The following TNN variants were observed in gnomAD, a reference collection of about 807,000 sequenced individuals.
TNN encodes the protein tenascin-N.
In TNN, 122 loss-of-function variants were observed where a neutral mutation model predicts 134.4. That is an observed-to-expected ratio of 0.91 (90% CI 0.78 to 1.06). TNN has a LOEUF of 1.06. Among genes scored for constraint, TNN ranks in the 50% least tolerant of loss-of-function variants. The pLI is 0.00. For missense variants in TNN, 1,739 were observed against 1,699.4 expected (o/e 1.02, Z -0.41); for synonymous variants, 710 against 670.3 (o/e 1.06, Z -0.91).
chr1:175,087,452 A>G (rs1030456394), intron 6 of TNN, among the ~76,000 whole-genome samples: 4 of 152,254 alleles, frequency 2.6e-5, no homozygotes, highest in African/African-American at 9.6e-5. Context: ...AGCTTCTTGC[A>G]TAACTCAGCT....
At chr1:175,102,360 C>T (rs1674746478) in intron 9 of TNN, among the ~76,000 whole-genome samples, 2 of 146,014 alleles carry the variant, frequency 1.4e-5, no homozygotes, top group East Asian at 2.3e-4. Flanking sequence ...GGATGGTATT[C>T]GTCGGGGAGG....
intron 16 of TNN, among the ~76,000 whole-genome samples, chr1:175,136,430 G>T (rs530469508): frequency 7.9e-4 from 120 of 152,310 alleles, no homozygotes; most frequent in Non-Finnish European, 1.3e-3. Flanking sequence ...CAGATACCCA[G>T]TGTCTAATAA....
At position 175,085,233 on chromosome 1, in the gene TNN, C is replaced by T. The variant is rs537100710; in HGVS notation, c.1235-172C>T. On this transcript the variant is annotated intron_variant, in intron 5 of 18. Transcript: ENST00000239462. ...CCTATAAGCCCCCTCAGTGACACCT[C>T]ATGTTCTATTGCACCTGCGGGGCTT... Among the ~76,000 whole-genome samples the T allele has an allele frequency of 2.6e-5, 4 of 152,374 alleles. No individual in the cohort carries two copies. In the East Asian group the frequency reaches 7.7e-4, roughly 29 times the overall value.
chr1:175,123,454 C>T lies in TNN; in HGVS notation c.2705C>T (p.Thr902Ile). The T allele has an allele frequency of 6.2e-7, 1 of 1,614,240 alleles. No homozygotes were observed. The highest frequency in any genetic ancestry group is 8.5e-7 in the Non-Finnish European group (1 of 1,180,042). Residue 902 changes from threonine to isoleucine, a missense_variant, in exon 12 of 19, where the codon ACT becomes ATT. Physicochemically the swap from Thr to Ile is moderately conservative, Grantham distance 89. Coordinates refer to ENST00000239462, the MANE Select transcript of TNN (RefSeq NM_022093.2). ...GACTGGGTGACGGAGAATATGGCCA[C>T]TGTCTCCTGGGACCCGGTTCAGGCC... is the stretch of plus-strand genomic sequence containing the variant. ...VTDWVTENMA[T>I]VSWDPVQATI...
chr1:175,067,998 G>C, intron 1 of TNN, 63 bp downstream of exon 1: 1 of 452,950 alleles, frequency 2.2e-6, no homozygotes, highest in Non-Finnish European at 4.5e-6. Context: ...ATGCAGATGA[G>C]CTCAAAAGTG....
intron 15 of TNN, among the ~76,000 whole-genome samples, chr1:175,134,965 C>T (rs1372400447): frequency 6.6e-6 from 1 of 152,202 alleles, no homozygotes; most frequent in Non-Finnish European, 1.5e-5. Flanking sequence ...ACGTCTTCAA[C>T]AATCCCTTTT....
intron 11 of TNN, 137 bp downstream of exon 11, chr1:175,118,961 C>A: frequency 1.0e-5 from 12 of 1,181,686 alleles, no homozygotes; most frequent in East Asian, 2.6e-5. Flanking sequence ...GCTGTAAAAA[C>A]AAAACAAAAC....
Position 175,123,731 on chromosome 1 carries a change from G to A in TNN, c.2914+68G>A, listed in dbSNP as rs142822040. ...AGGAGAGAACCTTCCTCCATCAGTG[G>A]GCTGGGGAGGGGAGCAGGAGGGTGG... On this transcript the variant is annotated intron_variant, in intron 12 of 18. Transcript: ENST00000239462. 9 of 1,592,980 alleles carry A rather than the reference G, an allele frequency of 5.6e-6. No individual in the cohort carries two copies. In the African/African-American group the frequency reaches 6.8e-5, roughly 12 times the overall value.
At chr1:175,112,971 G>A (rs1432491821) in intron 9 of TNN, among the ~76,000 whole-genome samples, 1 of 151,970 alleles carries the variant, frequency 6.6e-6, no homozygotes, top group Non-Finnish European at 1.5e-5. Context: ...TACATCCAAG[G>A]TTATTATTGA....
Position 175,107,088 on chromosome 1 carries a change from C to T in TNN, c.2119+8493C>T, listed in dbSNP as rs189096434. Among the ~76,000 whole-genome samples, 30 of 146,402 alleles carry T rather than the reference C, an allele frequency of 2.0e-4. 5 individuals carry two copies. Among genetic ancestry groups the T allele is most frequent in the Non-Finnish European group, 3.8e-4 (25 of 65,894 alleles). ...CACCGCTTGGCGATATGCGAAAGTC[C>T]CTTCGTGGTCGCCAAAATGTGTCCG... On this transcript the variant is annotated intron_variant, in intron 9 of 18. Transcript: ENST00000239462.
At chr1:175,127,193 A>C in intron 13 of TNN, 108 bp downstream of exon 13, 1 of 1,368,650 alleles carries the variant, frequency 7.3e-7, no homozygotes, top group Non-Finnish European at 9.9e-7. Flanking sequence ...GCTGATCTTT[A>C]CTGATCACAT....
intron 17 of TNN, among the ~76,000 whole-genome samples, chr1:175,141,568 A>T (rs1489758505): frequency 6.6e-6 from 1 of 152,234 alleles, no homozygotes; most frequent in Non-Finnish European, 1.5e-5. Flanking sequence ...TCCATTCCTA[A>T]TCCTGAAATA....
At chr1:175,087,391 A>C (rs1187392219) in intron 6 of TNN, among the ~76,000 whole-genome samples, 1 of 152,220 alleles carries the variant, frequency 6.6e-6, no homozygotes, top group African/African-American at 2.4e-5. Context: ...TGGAGTAGCT[A>C]CCTGTGGAGA....
At chr1:175,081,879 T>C (rs956166349) in intron 4 of TNN, among the ~76,000 whole-genome samples, 10 of 152,206 alleles carry the variant, frequency 6.6e-5, no homozygotes, top group African/African-American at 2.4e-4. Context: ...CTCTCCCCTC[T>C]GAGAGGCTGA....
intron 9 of TNN, among the ~76,000 whole-genome samples, chr1:175,105,814 G>A (rs1034021306): frequency 4.1e-5 from 6 of 144,874 alleles, no homozygotes; most frequent in Non-Finnish European, 6.1e-5. Context: ...AGACAAAACC[G>A]CCCACAGTTT....
rs538855064 is a variant in TNN, at chr1:175,106,605, C to T, written c.2119+8010C>T. On this transcript the variant is annotated intron_variant, in intron 9 of 18. Transcript: ENST00000239462. ...CGGGTCTAGCCTCAGAGAAGAGAGG[C>T]GAGAGGAAGTTTGTCTGGCAGGCAT... Among the ~76,000 whole-genome samples, 51 of 146,040 alleles carry T rather than the reference C, an allele frequency of 3.5e-4. 6 individuals are homozygous for T. Among genetic ancestry groups the T allele is most frequent in the African/African-American group, 9.4e-4 (38 of 40,584 alleles).
chr1:175,142,682 A>G (rs1675968492), intron 17 of TNN, among the ~76,000 whole-genome samples: 1 of 151,562 alleles, frequency 6.6e-6, no homozygotes, highest in African/African-American at 2.4e-5. Context: ...CAGTGGCACG[A>G]TCTTGGCTCA....
chr1:175,090,379 C>T (rs547131741), intron 6 of TNN, among the ~76,000 whole-genome samples: 18 of 152,130 alleles, frequency 1.2e-4, no homozygotes, highest in African/African-American at 1.2e-4. Flanking sequence ...GAGTACAGAA[C>T]GTGTAGGTAT....
intron 15 of TNN, among the ~76,000 whole-genome samples, chr1:175,132,091 C>T (rs892288135): frequency 6.6e-6 from 1 of 152,094 alleles, no homozygotes; most frequent in African/African-American, 2.4e-5. Context: ...TGATTTGACA[C>T]GATGTATGTG....
Sources: allele counts gnomAD v4.1 joint callset (sites outside exome capture counted in the v4.1 genomes callset), GRCh38; gene constraint gnomAD v4.1.1; transcripts MANE v1.5; gene names NCBI Gene and HGNC (gene_info 2026-07-23, HGNC 2026-07-21).